SLCO3A1: variants seen among roughly 807,000 people sequenced by gnomAD.
SLCO3A1 encodes the protein PGE1 transporter.
In SLCO3A1, 27 loss-of-function variants were observed where a neutral mutation model predicts 63.1. The ratio of observed to expected loss-of-function variants is 0.43; its 90% CI spans 0.32 to 0.59. The LOEUF (loss-of-function observed/expected upper bound fraction) is 0.59. SLCO3A1 is among the 20% of genes least tolerant of loss of function. The pLI is 0.09. For missense variants in SLCO3A1, 773 were observed against 945.8 expected (o/e 0.82, Z 2.40); for synonymous variants, 473 against 409.9 (o/e 1.15, Z -1.86).
intron 2 of SLCO3A1, among the ~76,000 whole-genome samples, chr15:92,022,252 T>C (rs959709786): frequency 6.6e-6 from 1 of 152,254 alleles, no homozygotes. Flanking sequence ...TATATAACTT[T>C]TCTTGCTGAC....
intron 2 of SLCO3A1, among the ~76,000 whole-genome samples, chr15:92,019,981 G>T (rs2046487739): frequency 6.6e-6 from 1 of 152,146 alleles, no homozygotes; most frequent in Non-Finnish European, 1.5e-5. Context: ...AACCATGTGG[G>T]GGAAGCGACA....
At chr15:92,049,893 T>TA (rs1383734838) in intron 2 of SLCO3A1, among the ~76,000 whole-genome samples, 1 of 152,164 alleles carries the variant, frequency 6.6e-6, no homozygotes, top group African/African-American at 2.4e-5. Flanking sequence ...TGGCACCTCT[T>TA]AGCAAGAGCA....
intron 2 of SLCO3A1, among the ~76,000 whole-genome samples, chr15:91,930,599 T>C (rs1899191633): frequency 6.6e-6 from 1 of 152,234 alleles, no homozygotes; most frequent in South Asian, 2.1e-4. Context: ...GTCTACATTT[T>C]ATTCATTCAT....
intron 2 of SLCO3A1, among the ~76,000 whole-genome samples, chr15:91,930,395 T>C (rs1428782590): frequency 6.6e-6 from 1 of 152,212 alleles, no homozygotes; most frequent in Non-Finnish European, 1.5e-5. Context: ...GAGATGTGCG[T>C]TGTTCTGGAA....
At chr15:91,924,155 G>T (rs757646260) in intron 2 of SLCO3A1, among the ~76,000 whole-genome samples, 2 of 152,162 alleles carry the variant, frequency 1.3e-5, no homozygotes, top group Non-Finnish European at 2.9e-5. Context: ...CATCTGCTCA[G>T]GGGTCACAAT....
intron 2 of SLCO3A1, among the ~76,000 whole-genome samples, chr15:92,082,110 CTT>C (rs1342738512): frequency 6.6e-6 from 1 of 152,210 alleles, no homozygotes; most frequent in East Asian, 1.9e-4. Context: ...TCACCGTCTC[CTT>C]CCCTGTTCAC....
chr15:91,947,098 G>A (rs1757684195), intron 2 of SLCO3A1, among the ~76,000 whole-genome samples: 1 of 152,186 alleles, frequency 6.6e-6, no homozygotes, highest in African/African-American at 2.4e-5. Context: ...TTGGCCCTGT[G>A]TATTTCCTTC....
intron 2 of SLCO3A1, among the ~76,000 whole-genome samples, chr15:91,972,706 C>T (rs1457073857): frequency 6.6e-6 from 1 of 152,176 alleles, no homozygotes; most frequent in East Asian, 1.9e-4. Context: ...CCCTTGTCCT[C>T]CAGGTCAGGA....
chr15:92,110,812 TC>T (rs1293312935), intron 4 of SLCO3A1, among the ~76,000 whole-genome samples: 2 of 152,160 alleles, frequency 1.3e-5, no homozygotes, highest in African/African-American at 4.8e-5. Flanking sequence ...ATTGCCGCTT[TC>T]CCTAAAGCTC....
At chr15:92,069,626 C>A (rs2047192387) in intron 2 of SLCO3A1, among the ~76,000 whole-genome samples, 1 of 152,190 alleles carries the variant, frequency 6.6e-6, no homozygotes, top group Non-Finnish European at 1.5e-5. Context: ...TTACCAGGAC[C>A]TTGGGGGCAG....
chr15:91,853,898 G>A lies in SLCO3A1; in HGVS notation c.-11G>A. The A allele has an allele frequency of 7.3e-7, 1 of 1,361,134 alleles. No homozygotes were observed. The highest frequency in any genetic ancestry group is 1.8e-5 in the South Asian group (1 of 55,240). The allele number at this position is 1,361,134 out of a possible 1,614,324, so 84.3% of individuals were successfully genotyped here. On this transcript the variant is annotated 5_prime_UTR_variant, in exon 1 of 10. Transcript: ENST00000318445. ...GGCAGCGGCGGCGGCGGCGGCGGCG[G>A]CGGGGGAAGGATGCAGGGGAAGAAG...
chr15:92,157,817 T>C (rs889300378), intron 9 of SLCO3A1, among the ~76,000 whole-genome samples: 1 of 152,192 alleles, frequency 6.6e-6, no homozygotes, highest in Non-Finnish European at 1.5e-5. Context: ...GAGGGCTTTC[T>C]CAAATGGCAT....
intron 1 of SLCO3A1, chr15:91,889,199 G>A (rs1261420379): frequency 7.8e-7 from 1 of 1,281,570 alleles, no homozygotes; most frequent in Non-Finnish European, 1.0e-6. Flanking sequence ...ATGCTCCTTA[G>A]ATGAATGTAA....
intron 7 of SLCO3A1, among the ~76,000 whole-genome samples, chr15:92,144,132 T>C (rs533068038): frequency 2.0e-5 from 3 of 152,372 alleles, no homozygotes; most frequent in African/African-American, 7.2e-5. Flanking sequence ...CAGCTTCCCT[T>C]TGTAGAAGAG....
chr15:92,049,420 C>A (rs1459807348), intron 2 of SLCO3A1, among the ~76,000 whole-genome samples: 1 of 152,194 alleles, frequency 6.6e-6, no homozygotes, highest in Non-Finnish European at 1.5e-5. Flanking sequence ...TGACTGGTTT[C>A]TCCAGTACCC....
chr15:92,083,258 C>G (rs909802885), intron 2 of SLCO3A1, among the ~76,000 whole-genome samples: 2 of 152,190 alleles, frequency 1.3e-5, no homozygotes, highest in South Asian at 2.1e-4. Context: ...TCAGGCTTCC[C>G]CCAAAGGGAT....
At chr15:91,978,352 A>T (rs1203364989) in intron 2 of SLCO3A1, among the ~76,000 whole-genome samples, 1 of 152,164 alleles carries the variant, frequency 6.6e-6, no homozygotes, top group Non-Finnish European at 1.5e-5. Context: ...TTCAGTGAAA[A>T]TGGCACTGTG....
chr15:91,978,486 A>G (rs1001096380), intron 2 of SLCO3A1, among the ~76,000 whole-genome samples: 7 of 152,310 alleles, frequency 4.6e-5, no homozygotes, highest in African/African-American at 1.7e-4. Flanking sequence ...GCCCTGGTCC[A>G]TACTGCAAAG....
Position 92,079,701 on chromosome 15 carries a change from G to A in SLCO3A1, c.647-15180G>A, listed in dbSNP as rs543734145. Among the ~76,000 whole-genome samples, 8 of 152,386 alleles carry A rather than the reference G, an allele frequency of 5.2e-5. No individual in the cohort carries two copies. The East Asian group carries it at 1.4e-3, about 26-fold the overall frequency. Reference sequence around the variant, plus strand: ...CCAGCCCGTAATAGGGGGAGAGCAGGGCAGGTGACTGCCCTGTTTTCCAGA... The same window carrying A: ...CCAGCCCGTAATAGGGGGAGAGCAGAGCAGGTGACTGCCCTGTTTTCCAGA... On this transcript the variant is annotated intron_variant, in intron 2 of 9. Transcript: ENST00000318445.
Sources: allele counts gnomAD v4.1 joint callset (sites outside exome capture counted in the v4.1 genomes callset), GRCh38; gene constraint gnomAD v4.1.1; transcripts MANE v1.5; gene names NCBI Gene and HGNC (gene_info 2026-07-23, HGNC 2026-07-21).